The following SH3PXD2A variants were observed in gnomAD, a reference collection of about 807,000 sequenced individuals.
SH3PXD2A encodes SH3 and PX domain-containing protein 2A.
In SH3PXD2A, 32 loss-of-function variants were observed where a neutral mutation model predicts 115.2. The ratio of observed to expected loss-of-function variants is 0.28; its 90% CI spans 0.21 to 0.37. The LOEUF (loss-of-function observed/expected upper bound fraction) is 0.37. Among genes scored for constraint, SH3PXD2A ranks in the 10% least tolerant of loss-of-function variants. The pLI, the probability that SH3PXD2A is intolerant of heterozygous loss-of-function variation, is 1.00. For missense variants in SH3PXD2A, 1,328 were observed against 1,498.7 expected, an observed-to-expected ratio of 0.89 and a Z score of 1.88; for synonymous variants, 610 against 629.1, an observed-to-expected ratio of 0.97 and a Z score of 0.45.
At chr10:103,607,580 G>A (rs1260975102) in intron 13 of SH3PXD2A, among the ~76,000 whole-genome samples, 2 of 151,418 alleles carry the variant, frequency 1.3e-5, no homozygotes, top group Admixed American at 6.6e-5. Flanking sequence ...GGTGAGGGGC[G>A]CCTCTGCCCG....
chr10:103,816,588 A>G (rs1382630319), intron 1 of SH3PXD2A, among the ~76,000 whole-genome samples: 1 of 152,242 alleles, frequency 6.6e-6, no homozygotes, highest in African/African-American at 2.4e-5. Flanking sequence ...CTTGGAAAAC[A>G]GTCTATCAGC....
chr10:103,842,651 C>T (rs1334868447), intron 1 of SH3PXD2A, among the ~76,000 whole-genome samples: 3 of 152,132 alleles, frequency 2.0e-5, no homozygotes, highest in Non-Finnish European at 4.4e-5. Flanking sequence ...ATTCGTCTTT[C>T]CGTCTTTCCG....
chr10:103,793,030 A>G (rs926881136), intron 2 of SH3PXD2A, among the ~76,000 whole-genome samples: 10 of 152,170 alleles, frequency 6.6e-5, no homozygotes, highest in African/African-American at 2.4e-4. Context: ...ATTATACCAT[A>G]ATGACCAGGA....
chr10:103,605,002 C>T (rs1208338928), intron 14 of SH3PXD2A, among the ~76,000 whole-genome samples: 3 of 152,226 alleles, frequency 2.0e-5, no homozygotes, highest in Admixed American at 2.0e-4. Context: ...AACTCAATTA[C>T]TACACAAAGC....
intron 6 of SH3PXD2A, among the ~76,000 whole-genome samples, chr10:103,670,806 A>G (rs2037448234): frequency 6.6e-6 from 1 of 152,234 alleles, no homozygotes; most frequent in South Asian, 2.1e-4. Flanking sequence ...GACAAGGTAG[A>G]CACACCAAGG....
At position 103,612,892 on chromosome 10, in the gene SH3PXD2A, G is replaced by C. The variant is rs778960704; in HGVS notation, c.1219C>G (p.Pro407Ala). 1.3e-6 allele frequency: 2 copies of C among 1,597,186 alleles called. No homozygotes were observed. The highest frequency in any genetic ancestry group is 1.7e-6 in the Non-Finnish European group (2 of 1,172,692). The change falls in exon 12 of 15, where the codon CCA (proline) becomes GCA (alanine). Residue 407 changes from proline (P) to alanine (A), a missense_variant. Physicochemically the swap from Pro to Ala is conservative, Grantham distance 27. Transcript: ENST00000369774. ...RTVSRLAQGS[P>A]AVARIAPQRA... ...TGAGGGGCAATCCTGGCCACAGCTGGAGAGCCCTGGGCCAGCCTGGAGACA... is the reference window on the plus strand; with the variant it reads ...TGAGGGGCAATCCTGGCCACAGCTGCAGAGCCCTGGGCCAGCCTGGAGACA...
chr10:103,608,446 A>AAG (rs1406082747), intron 13 of SH3PXD2A, among the ~76,000 whole-genome samples: 2 of 150,450 alleles, frequency 1.3e-5, no homozygotes, highest in Non-Finnish European at 3.0e-5. Flanking sequence ...AAAAAAAAAA[A>AAG]AAAAGAAAAA....
intron 2 of SH3PXD2A, among the ~76,000 whole-genome samples, chr10:103,770,381 C>CTT (rs34489115): frequency 1.3e-5 from 2 of 151,936 alleles, no homozygotes; most frequent in Admixed American, 6.6e-5. Flanking sequence ...AGTTTAAAAA[C>CTT]TTTTTTGTAG....
In SH3PXD2A at chr10:103,599,683, T is replaced by A. The variant is rs1324132119; in HGVS notation, c.*2133A>T. ...TATTTAAAGTGCATTAATTAAAAAA[T>A]AATGAACCACTTCTTTATCATTATT... On this transcript the variant is annotated 3_prime_UTR_variant, in exon 15 of 15. Coordinates refer to ENST00000369774, the MANE Select transcript of SH3PXD2A (RefSeq NM_001394015.1). 1.3e-5 allele frequency: 2 copies of A among 152,644 alleles called. No individual in the cohort carries two copies. Among genetic ancestry groups the A allele is most frequent in the African/African-American group, 4.8e-5 (2 of 41,464 alleles). The allele number at this position is 152,644 out of a possible 1,614,324, so 9.5% of individuals were successfully genotyped here.
Position 103,665,261 on chromosome 10 carries a change from A to C in SH3PXD2A, c.472+3347T>G, listed in dbSNP as rs1398022677. Among the ~76,000 whole-genome samples the C allele has an allele frequency of 6.6e-6, 1 of 152,204 alleles. No individual in the cohort carries two copies. The highest frequency in any genetic ancestry group is 1.5e-5 in the Non-Finnish European group (1 of 68,032). On this transcript the variant is annotated intron_variant, in intron 7 of 14. Transcript: ENST00000369774. This position sits in a 1 kb window ranked among gnomAD's most constrained non-coding sequence, Gnocchi z 4.0. ...GTGGCCAGAAGATGCCTGGAGGACG[A>C]GCAGGAGGTGCTGGGGAGTGGACAG...
intron 1 of SH3PXD2A, among the ~76,000 whole-genome samples, chr10:103,847,676 C>T (rs1407700382): frequency 6.6e-6 from 1 of 152,164 alleles, no homozygotes; most frequent in East Asian, 1.9e-4. Flanking sequence ...CAGCGGGTCA[C>T]ACTTGTAATC....
At chr10:103,767,045 G>T in intron 3 of SH3PXD2A, 49 bp downstream of exon 3, 2 of 1,433,640 alleles carry the variant, frequency 1.4e-6, no homozygotes, top group Non-Finnish European at 2.0e-6. Context: ...GGAAGGACTG[G>T]TCCTTCCCGG....
chr10:103,705,426 G>A (rs1015677881), intron 5 of SH3PXD2A, among the ~76,000 whole-genome samples: 1 of 152,232 alleles, frequency 6.6e-6, no homozygotes, highest in Admixed American at 6.5e-5. Context: ...TTATTGACAA[G>A]AGCACTACAT....
chr10:103,755,918 G>T (rs571986399), intron 3 of SH3PXD2A, among the ~76,000 whole-genome samples: 1 of 152,306 alleles, frequency 6.6e-6, no homozygotes, highest in African/African-American at 2.4e-5. Flanking sequence ...GCCTGCAGGG[G>T]TGTCGCCAGG....
At chr10:103,684,679 C>G (rs369839511) in intron 6 of SH3PXD2A, among the ~76,000 whole-genome samples, 75 of 152,168 alleles carry the variant, frequency 4.9e-4, no homozygotes, top group African/African-American at 1.8e-3. Context: ...GTGGCCAGAA[C>G]TTATGGGCGG....
At chr10:103,713,428 A>C (rs2038068977) in intron 5 of SH3PXD2A, among the ~76,000 whole-genome samples, 1 of 152,210 alleles carries the variant, frequency 6.6e-6, no homozygotes, top group Non-Finnish European at 1.5e-5. Flanking sequence ...GCTGAAGTGT[A>C]GCGATTGTTA....
intron 2 of SH3PXD2A, among the ~76,000 whole-genome samples, chr10:103,794,605 C>T (rs776044127): frequency 2.0e-5 from 3 of 152,220 alleles, no homozygotes; most frequent in African/African-American, 4.8e-5. Flanking sequence ...AGGGCATCTG[C>T]CGCCCCTCCT....
At chr10:103,755,822 G>A (rs1030944634) in intron 3 of SH3PXD2A, among the ~76,000 whole-genome samples, 1 of 152,178 alleles carries the variant, frequency 6.6e-6, no homozygotes, top group African/African-American at 2.4e-5. Flanking sequence ...TCACTAAGGC[G>A]AAATCTGGCT....
chr10:103,606,216 CATCATT>C (rs1191529923), intron 13 of SH3PXD2A, among the ~76,000 whole-genome samples: 21 of 145,976 alleles, frequency 1.4e-4, no homozygotes, highest in Non-Finnish European at 2.5e-4. Context: ...TCATCATCAT[CATCATT>C]ACTCTGAGAT....
Sources: allele counts gnomAD v4.1 joint callset (sites outside exome capture counted in the v4.1 genomes callset), GRCh38; gene constraint gnomAD v4.1.1; non-coding constraint Gnocchi (gnomAD v3.1); transcripts MANE v1.5; gene names NCBI Gene and HGNC (gene_info 2026-07-23, HGNC 2026-07-21).